The following PIAS1 variants were observed in gnomAD, a reference collection of about 807,000 sequenced individuals.
PIAS1 encodes the protein E3 SUMO-protein ligase PIAS1.
PIAS1 carries 6 observed loss-of-function variants against 71.3 expected under a neutral mutation model. The ratio of observed to expected loss-of-function variants is 0.08; its 90% CI spans 0.05 to 0.17. PIAS1 has a LOEUF of 0.17. PIAS1 is among the 10% of genes least tolerant of loss of function. PIAS1 has a pLI of 1.00. For synonymous variants in PIAS1, 303 were observed against 292.9 expected (o/e 1.03, Z -0.35); for missense variants, 555 against 793.6 (o/e 0.70, Z 3.61).
At chr15:68,091,484 T>G (rs767412352) in intron 2 of PIAS1, among the ~76,000 whole-genome samples, 1 of 152,132 alleles carries the variant, frequency 6.6e-6, no homozygotes, top group Non-Finnish European at 1.5e-5. Flanking sequence ...GTTTAGCTAT[T>G]TATATCTTCC....
chr15:68,157,959 T>G (rs1013254512), intron 7 of PIAS1, among the ~76,000 whole-genome samples: 1 of 152,228 alleles, frequency 6.6e-6, no homozygotes, highest in Non-Finnish European at 1.5e-5. Flanking sequence ...TGCCCTTGTT[T>G]AAGCTCTCAT....
At position 68,135,362 on chromosome 15, in the gene PIAS1, G is replaced by A. The variant is rs1304077006; in HGVS notation, c.470-6584G>A. 1.7e-4 allele frequency among the ~76,000 whole-genome samples: 7 copies of A among 42,148 alleles called. 3 individuals are homozygous for A. Among genetic ancestry groups the A allele is most frequent in the Non-Finnish European group, 4.6e-4 (5 of 10,786 alleles). The allele number at this position is 42,148 out of a possible 152,430, so 27.7% of individuals were successfully genotyped here. On this transcript the variant is annotated intron_variant, in intron 2 of 13. Coordinates refer to ENST00000249636, the MANE Select transcript of PIAS1 (RefSeq NM_016166.3). ...TCCCGGATGGGGCGGCTGGCCGGGC[G>A]GGGGGCTGACCCCCACACCGCCCTC... is the stretch of plus-strand genomic sequence containing the variant.
chr15:68,127,126 A>C (rs1363270771), intron 2 of PIAS1, among the ~76,000 whole-genome samples: 2 of 151,354 alleles, frequency 1.3e-5, no homozygotes, highest in African/African-American at 4.9e-5. Context: ...GGGTTTCACT[A>C]TGTTGGCCAG....
intron 2 of PIAS1, among the ~76,000 whole-genome samples, chr15:68,091,306 TATA>T (rs1213913782): frequency 1.3e-5 from 2 of 152,194 alleles, no homozygotes; most frequent in Non-Finnish European, 2.9e-5. Flanking sequence ...CAAAATAGTT[TATA>T]ATATTGTTTA....
chr15:68,154,307 C>T (rs2092871746), intron 7 of PIAS1, among the ~76,000 whole-genome samples: 2 of 152,186 alleles, frequency 1.3e-5, no homozygotes, highest in Non-Finnish European at 2.9e-5. Flanking sequence ...GTGCTGACCT[C>T]TGTTTTTAAG....
chr15:68,139,351 CAG>C (rs1436797499), intron 2 of PIAS1, among the ~76,000 whole-genome samples: 3 of 152,244 alleles, frequency 2.0e-5, no homozygotes, highest in Non-Finnish European at 2.9e-5. Context: ...AGGGTTCAAA[CAG>C]AGAATGAATG....
At chr15:68,120,587 G>T (rs1158671391) in intron 2 of PIAS1, among the ~76,000 whole-genome samples, 1 of 152,114 alleles carries the variant, frequency 6.6e-6, no homozygotes, top group Non-Finnish European at 1.5e-5. Flanking sequence ...CTTTACAACA[G>T]TTCATTTTTA....
At chr15:68,097,431 A>T (rs114503302) in intron 2 of PIAS1, among the ~76,000 whole-genome samples, 1,839 of 151,966 alleles carry the variant, frequency 0.012, 30 homozygotes, top group African/African-American at 0.037. Context: ...TTAATTAATT[A>T]ATTTATTTAT....
chr15:68,146,371 G>A (rs2092808096), intron 5 of PIAS1, among the ~76,000 whole-genome samples, 195 bp from the exon 6 acceptor site: 2 of 152,028 alleles, frequency 1.3e-5, no homozygotes, highest in South Asian at 4.1e-4. Context: ...GTTTTCTCAG[G>A]TTTACTATAA....
chr15:68,173,746 G>A lies in PIAS1; in HGVS notation c.1023G>A (p.Arg341=). 6.5e-7 allele frequency: 1 copy of A among 1,537,880 alleles called. No homozygotes were observed. The highest frequency in any genetic ancestry group is 8.8e-7 in the Non-Finnish European group (1 of 1,132,192). Residue 341 remains arginine, a synonymous_variant, in exon 9 of 14, where the codon CGG becomes CGA. Transcript: ENST00000249636. This position sits in a 1 kb window ranked among gnomAD's most constrained non-coding sequence, Gnocchi z 4.3. ...VSLLCPLGKM[R]LTIPCRALTC... Reference sequence around the variant, plus strand: ...CCTTTTTAAAGCTTGGTAAAATGCGGCTGACAATTCCGTGTCGGGCCCTTA... The same window carrying A: ...CCTTTTTAAAGCTTGGTAAAATGCGACTGACAATTCCGTGTCGGGCCCTTA...
At position 68,054,463 on chromosome 15, in the gene PIAS1, C is replaced by A; in HGVS notation, c.24+113C>A. 8.4e-7 allele frequency: 1 copy of A among 1,192,746 alleles called. No homozygotes were observed. The highest frequency in any genetic ancestry group is 1.2e-6 in the Non-Finnish European group (1 of 833,926). The allele number at this position is 1,192,746 out of a possible 1,614,324, so 73.9% of individuals were successfully genotyped here. ...CCTCTCGGGCCTGACTCCACCCGGG[C>A]CTGGAGTTGTAGGGAGAGAGGCGCG... is the stretch of plus-strand genomic sequence containing the variant. On this transcript the variant is annotated intron_variant, in intron 1 of 13. Transcript: ENST00000249636. This position sits in a 1 kb window ranked among gnomAD's most constrained non-coding sequence, Gnocchi z 4.6.
At chr15:68,115,039 C>G (rs1269187555) in intron 2 of PIAS1, among the ~76,000 whole-genome samples, 1 of 152,004 alleles carries the variant, frequency 6.6e-6, no homozygotes, top group Non-Finnish European at 1.5e-5. Flanking sequence ...TTGTAAGTAC[C>G]CTTAATTATG....
At position 68,175,756 on chromosome 15, in the gene PIAS1, A is replaced by T; in HGVS notation, c.1289A>T (p.Asn430Ile). ...KEVQEVSASY[N>I]GVDGCLSSTL... Reference sequence around the variant, plus strand: ...GTACAGGAAGTTTCTGCCTCTTACAATGGAGTCGATGGTGAGTAGTTCTTC... The same window carrying T: ...GTACAGGAAGTTTCTGCCTCTTACATTGGAGTCGATGGTGAGTAGTTCTTC... The change falls in exon 10 of 14, where the codon AAT (asparagine) becomes ATT (isoleucine). Residue 430 changes from asparagine (N) to isoleucine (I), a missense_variant. Asn to Ile is a moderately radical substitution (Grantham distance 149). Around this residue, in one of 5 missense-constraint regions of PIAS1, gnomAD observed 244 missense variants for 307.5 expected, o/e 0.79. Coordinates refer to ENST00000249636, the MANE Select transcript of PIAS1 (RefSeq NM_016166.3). 1 of 1,603,762 alleles carries T rather than the reference A, an allele frequency of 6.2e-7. No individual in the cohort carries two copies. The highest frequency in any genetic ancestry group is 8.5e-7 in the Non-Finnish European group (1 of 1,174,360).
intron 2 of PIAS1, among the ~76,000 whole-genome samples, chr15:68,093,453 A>G (rs990172513): frequency 1.3e-5 from 2 of 152,238 alleles, no homozygotes; most frequent in Admixed American, 6.5e-5. Context: ...TGGATGTTCT[A>G]TAAAGGGAAT....
At position 68,145,925 on chromosome 15, in the gene PIAS1, T is replaced by C; in HGVS notation, c.693+19T>C. 7.1e-7 allele frequency: 1 copy of C among 1,411,136 alleles called. No individual in the cohort carries two copies. Among genetic ancestry groups the C allele is most frequent in the African/African-American group, 1.4e-5 (1 of 71,020 alleles). The allele number at this position is 1,411,136 out of a possible 1,614,324, so 87.4% of individuals were successfully genotyped here. A position where few individuals can be genotyped will look rare whatever the true frequency, so the allele number is the denominator to read the frequency against. On this transcript the variant is annotated intron_variant, in intron 5 of 13. Transcript: ENST00000249636. ...CCTTCCAGTAAGTCCTAAGAGCTGT[T>C]TTTTAAAATTCATTGCCAACATAAC...
At chr15:68,121,900 G>A (rs572554864) in intron 2 of PIAS1, among the ~76,000 whole-genome samples, 2 of 152,266 alleles carry the variant, frequency 1.3e-5, no homozygotes, top group East Asian at 3.9e-4. Flanking sequence ...GGCCAAGGCG[G>A]GCAGATTGCT....
At chr15:68,088,720 T>G (rs1460368444) in intron 2 of PIAS1, among the ~76,000 whole-genome samples, 3 of 152,198 alleles carry the variant, frequency 2.0e-5, no homozygotes, top group Admixed American at 2.0e-4. Context: ...AAAGATTTTA[T>G]GTAATTAGTC....
At chr15:68,135,194 T>A in intron 2 of PIAS1, among the ~76,000 whole-genome samples, 1 of 35,540 alleles carries the variant, frequency 2.8e-5, no homozygotes, top group Non-Finnish European at 1.1e-4. Flanking sequence ...GGCGGGGGGC[T>A]GACCCCCCCA....
chr15:68,096,728 A>G (rs573670327), intron 2 of PIAS1, among the ~76,000 whole-genome samples: 50 of 152,178 alleles, frequency 3.3e-4, no homozygotes, highest in Non-Finnish European at 4.1e-4. Flanking sequence ...TTGTTTGTGT[A>G]TGGAAACAGG....
Sources: allele counts gnomAD v4.1 joint callset (sites outside exome capture counted in the v4.1 genomes callset), GRCh38; gene constraint gnomAD v4.1.1; regional missense constraint gnomAD v4.1.1; non-coding constraint Gnocchi (gnomAD v3.1); transcripts MANE v1.5; gene names NCBI Gene and HGNC (gene_info 2026-07-23, HGNC 2026-07-21).